Variants in NOVA1 observed in about 807,000 individuals in gnomAD.
NOVA1 encodes the protein NOVA alternative splicing regulator 1, also known as RNA-binding protein Nova-1.
NOVA1 carries 7 observed loss-of-function variants against 38.0 expected under a neutral mutation model. The observed-to-expected ratio is 0.18, with a 90% confidence interval of 0.10 to 0.35. The LOEUF (loss-of-function observed/expected upper bound fraction) is 0.35. Ranked by LOEUF, NOVA1 falls within the 10% of genes least tolerant of loss-of-function variation. NOVA1 has a pLI of 1.00. For missense variants in NOVA1, 460 were observed against 616.0 expected (o/e 0.75, Z 2.68); for synonymous variants, 270 against 232.5 (o/e 1.16, Z -1.47).
At chr14:26,523,606 T>C (rs1338320950) in intron 2 of NOVA1, among the ~76,000 whole-genome samples, 2 of 152,196 alleles carry the variant, frequency 1.3e-5, no homozygotes, top group Non-Finnish European at 2.9e-5. Context: ...CATTGTAATG[T>C]AAAAACAGTC....
chr14:26,451,506 T>C (rs1882676195), intron 4 of NOVA1, among the ~76,000 whole-genome samples: 1 of 152,124 alleles, frequency 6.6e-6, no homozygotes, highest in African/African-American at 2.4e-5. Context: ...TAGCTGGGAC[T>C]ACAAGGCATG....
chr14:26,581,599 T>A (rs919590591), intron 2 of NOVA1, among the ~76,000 whole-genome samples: 3 of 152,036 alleles, frequency 2.0e-5, no homozygotes, highest in Non-Finnish European at 4.4e-5. Context: ...AAATAACTTT[T>A]GTATGTTTCC....
Position 26,595,392 on chromosome 14 carries a change from CTTCA to C in NOVA1, c.280+14_280+17del. 1 of 1,610,116 alleles carries C rather than the reference CTTCA, an allele frequency of 6.2e-7. No homozygotes were observed. Among genetic ancestry groups the C allele is most frequent in the South Asian group, 1.1e-5 (1 of 90,288 alleles). ...CTGTGGGGAGCTCATCAAACAATCT[CTTCA>C]CCATTGCACCTACCTGGGTAAAAAT... On this transcript the variant is annotated intron_variant, in intron 2 of 4. Coordinates refer to ENST00000539517, the MANE Select transcript of NOVA1 (RefSeq NM_002515.3).
At chr14:26,567,549 A>G (rs995263390) in intron 2 of NOVA1, among the ~76,000 whole-genome samples, 1 of 151,996 alleles carries the variant, frequency 6.6e-6, no homozygotes, top group Non-Finnish European at 1.5e-5. Context: ...TCCTGCCTCA[A>G]GCTCTCAAAT....
In NOVA1 at chr14:26,573,668, G is replaced by C. The variant is rs563098337; in HGVS notation, c.280+21742C>G. Among the ~76,000 whole-genome samples the C allele has an allele frequency of 2.6e-5, 4 of 152,238 alleles. No individual in the cohort carries two copies. The South Asian group carries it at 8.3e-4, about 32-fold the overall frequency. The stretch of plus-strand genomic sequence containing the variant: ...AATTTGAAGTATAAAAGGAAGTTGA[G>C]GGAGGTCCTTAAAGATGACCTAAAT... On this transcript the variant is annotated intron_variant, in intron 2 of 4. Transcript: ENST00000539517.
intron 2 of NOVA1, among the ~76,000 whole-genome samples, chr14:26,517,778 T>C (rs1423414337): frequency 1.3e-5 from 2 of 152,186 alleles, no homozygotes; most frequent in Non-Finnish European, 2.9e-5. Flanking sequence ...TACCATGCCA[T>C]GGCATAGTCA....
intron 3 of NOVA1, chr14:26,479,344 A>G (rs1885243879): frequency 6.6e-6 from 1 of 151,950 alleles, no homozygotes; most frequent in South Asian, 2.1e-4. Context: ...AATCTTAAAA[A>G]CTCACATCAG....
intron 2 of NOVA1, among the ~76,000 whole-genome samples, chr14:26,582,284 A>G (rs1454240787): frequency 6.6e-6 from 1 of 151,820 alleles, no homozygotes; most frequent in Non-Finnish European, 1.5e-5. Flanking sequence ...TCCTCATTGC[A>G]ATGCAGTATC....
intron 4 of NOVA1, among the ~76,000 whole-genome samples, chr14:26,465,812 C>T (rs1386422544): frequency 1.3e-5 from 2 of 152,074 alleles, no homozygotes; most frequent in African/African-American, 4.8e-5. Context: ...GCTTCACATA[C>T]ATCAGAGAAT....
intron 4 of NOVA1, among the ~76,000 whole-genome samples, chr14:26,461,492 C>T (rs558581377): frequency 2.0e-5 from 3 of 152,206 alleles, no homozygotes; most frequent in Admixed American, 6.5e-5. Flanking sequence ...ATCCGATTCC[C>T]GTCACTGGTG....
At chr14:26,494,336 G>C (rs188752930) in intron 2 of NOVA1, among the ~76,000 whole-genome samples, 53 of 152,212 alleles carry the variant, frequency 3.5e-4, no homozygotes, top group African/African-American at 1.3e-3. Context: ...CCAGGTTTTG[G>C]GGGAGGGGCA....
chr14:26,553,112 T>C (rs934925722), intron 2 of NOVA1, among the ~76,000 whole-genome samples: 3 of 152,202 alleles, frequency 2.0e-5, no homozygotes, highest in South Asian at 2.1e-4. Flanking sequence ...AACTTCACTG[T>C]AGCTAGGAAG....
chr14:26,484,799 TAA>T (rs940161800), intron 2 of NOVA1, among the ~76,000 whole-genome samples: 2 of 152,208 alleles, frequency 1.3e-5, no homozygotes, highest in African/African-American at 2.4e-5. Context: ...CATTCTGTTC[TAA>T]AAACACTTCA....
At chr14:26,541,081 T>C (rs1232825920) in intron 2 of NOVA1, among the ~76,000 whole-genome samples, 2 of 152,024 alleles carry the variant, frequency 1.3e-5, no homozygotes, top group Non-Finnish European at 2.9e-5. Flanking sequence ...CAGTCACAAG[T>C]ATATGGTGAA....
At chr14:26,472,690 C>T (rs539531343) in intron 3 of NOVA1, among the ~76,000 whole-genome samples, 1 of 151,454 alleles carries the variant, frequency 6.6e-6, no homozygotes, top group East Asian at 1.9e-4. Context: ...AGTTTCATTT[C>T]TTTCCCTCTT....
chr14:26,590,550 G>A (rs1893781835), intron 2 of NOVA1, among the ~76,000 whole-genome samples: 1 of 151,732 alleles, frequency 6.6e-6, no homozygotes. Flanking sequence ...TTAATTCTCT[G>A]AAGCCAGAGC....
At chr14:26,464,686 T>C (rs1267942652) in intron 4 of NOVA1, among the ~76,000 whole-genome samples, 2 of 152,292 alleles carry the variant, frequency 1.3e-5, no homozygotes, top group South Asian at 4.1e-4. Context: ...GATTTGTTTC[T>C]ATATGAATAT....
At position 26,486,154 on chromosome 14, in the gene NOVA1, G is replaced by A. The variant is rs543697751; in HGVS notation, c.281-6011C>T. On this transcript the variant is annotated intron_variant, in intron 2 of 4. Transcript: ENST00000539517. Reference sequence around the variant, plus strand: ...TTTCTATCATATCAAGAAATATCTTGCAATATATATTTTCAAATACATTTA... The same window carrying A: ...TTTCTATCATATCAAGAAATATCTTACAATATATATTTTCAAATACATTTA... 7.2e-4 allele frequency among the ~76,000 whole-genome samples: 110 copies of A among 152,152 alleles called. 1 individual carries two copies. The highest frequency in any genetic ancestry group is 4.5e-3 in the East Asian group (23 of 5,166).
At chr14:26,597,158 G>A (rs1407687305) in intron 1 of NOVA1, 143 bp downstream of exon 1, 4 of 1,195,314 alleles carry the variant, frequency 3.3e-6, no homozygotes, top group East Asian at 6.4e-5. Context: ...GCGGGGCAGG[G>A]GCGCAGGGGC....
Sources: allele counts gnomAD v4.1 joint callset (sites outside exome capture counted in the v4.1 genomes callset), GRCh38; gene constraint gnomAD v4.1.1; transcripts MANE v1.5; gene names NCBI Gene and HGNC (gene_info 2026-07-23, HGNC 2026-07-21).